The following CNTN6 variants were observed in gnomAD, a reference collection of about 807,000 sequenced individuals.
The protein encoded by CNTN6 is contactin-6.
A neutral mutation model predicts 122.8 loss-of-function variants in CNTN6; 137 were observed. The observed-to-expected ratio is 1.12, with a 90% CI of 0.97 to 1.29. The LOEUF (loss-of-function observed/expected upper bound fraction) is 1.29, where lower values mean the gene tolerates loss of function less well. Ranked by LOEUF, CNTN6 falls within the 50% of genes most tolerant of loss-of-function variation. CNTN6 has a pLI of 0.00. For synonymous variants in CNTN6, 570 were observed against 426.0 expected, an observed-to-expected ratio of 1.34 and a Z score of -4.16; for missense variants, 1,634 against 1,223.4, an observed-to-expected ratio of 1.34 and a Z score of -5.01.
intron 5 of CNTN6, among the ~76,000 whole-genome samples, chr3:1,280,258 C>A (rs1166441078): frequency 6.6e-6 from 1 of 151,940 alleles, no homozygotes; most frequent in Non-Finnish European, 1.5e-5. Context: ...AGACAGGAGA[C>A]GCTTGTCCTT....
At chr3:1,136,383 C>A (rs2092473392) in intron 1 of CNTN6, among the ~76,000 whole-genome samples, 1 of 152,084 alleles carries the variant, frequency 6.6e-6, no homozygotes. Context: ...GAAGCGTTCA[C>A]TGTTGGAAAA....
At chr3:1,388,002 G>C (rs371644712) in intron 20 of CNTN6, among the ~76,000 whole-genome samples, 8,879 of 152,012 alleles carry the variant, frequency 0.058, 305 homozygotes, top group African/African-American at 0.094. Flanking sequence ...CCCGCCATTG[G>C]CCAGGCTTGA....
At chr3:1,208,788 A>G (rs1489058891) in intron 2 of CNTN6, among the ~76,000 whole-genome samples, 6 of 132,634 alleles carry the variant, frequency 4.5e-5, no homozygotes, top group Non-Finnish European at 9.8e-5. Context: ...AAAGGACCAA[A>G]TAAGATAATT....
chr3:1,297,381 C>A (rs192119186), intron 6 of CNTN6, among the ~76,000 whole-genome samples: 1 of 152,054 alleles, frequency 6.6e-6, no homozygotes. Context: ...ATAGGTTATA[C>A]CATCATCTTA....
At chr3:1,366,458 T>C (rs1017904814) in intron 12 of CNTN6, among the ~76,000 whole-genome samples, 3 of 152,026 alleles carry the variant, frequency 2.0e-5, no homozygotes, top group Non-Finnish European at 2.9e-5. Context: ...AGGAAGTGAG[T>C]AGAATATAGG....
intron 4 of CNTN6, among the ~76,000 whole-genome samples, chr3:1,241,045 C>G (rs970221205): frequency 2.0e-5 from 3 of 151,782 alleles, no homozygotes; most frequent in Admixed American, 6.6e-5. Flanking sequence ...AAAGTACCTT[C>G]TTAAGGGTGG....
intron 1 of CNTN6, among the ~76,000 whole-genome samples, chr3:1,144,132 C>T (rs932996186): frequency 3.3e-5 from 5 of 152,132 alleles, no homozygotes; most frequent in East Asian, 1.9e-4. Flanking sequence ...CCGAGTATTA[C>T]GAGTAAGTGT....
At chr3:1,310,735 C>T (rs1007272930) in intron 7 of CNTN6, among the ~76,000 whole-genome samples, 33 of 152,272 alleles carry the variant, frequency 2.2e-4, no homozygotes, top group African/African-American at 7.7e-4. Flanking sequence ...GGCGCAGTGG[C>T]TCATGCCTGT....
At chr3:1,386,230 A>C (rs1340747641) in intron 20 of CNTN6, among the ~76,000 whole-genome samples, 1 of 151,746 alleles carries the variant, frequency 6.6e-6, no homozygotes, top group Admixed American at 6.6e-5. Flanking sequence ...ATAAGTGTCC[A>C]GTACACACCT....
At chr3:1,321,901 G>A (rs778099845) in intron 8 of CNTN6, 67 bp downstream of exon 8, 80 of 1,354,872 alleles carry the variant, frequency 5.9e-5, no homozygotes, top group Non-Finnish European at 7.2e-5. Context: ...AATTGTGGAA[G>A]TCATTAGCAT....
At chr3:1,219,503 G>T (rs964275692) in intron 2 of CNTN6, among the ~76,000 whole-genome samples, 1 of 152,064 alleles carries the variant, frequency 6.6e-6, no homozygotes, top group Non-Finnish European at 1.5e-5. Flanking sequence ...TATTATTTTT[G>T]AACATCTTTA....
intron 2 of CNTN6, among the ~76,000 whole-genome samples, chr3:1,198,635 T>C (rs2093813264): frequency 6.6e-6 from 1 of 151,964 alleles, no homozygotes; most frequent in Non-Finnish European, 1.5e-5. Flanking sequence ...GGCAGGAGAA[T>C]TGCTTGAGCC....
At chr3:1,197,515 A>C (rs572560931) in intron 2 of CNTN6, among the ~76,000 whole-genome samples, 1 of 152,320 alleles carries the variant, frequency 6.6e-6, no homozygotes, top group Admixed American at 6.5e-5. Flanking sequence ...GTGAAACCTA[A>C]GGAGCTCATA....
At chr3:1,393,639 GAAAC>G (rs1159897417) in intron 20 of CNTN6, among the ~76,000 whole-genome samples, 11 of 144,182 alleles carry the variant, frequency 7.6e-5, no homozygotes, top group Non-Finnish European at 1.2e-4. Flanking sequence ...AAATGTGTAA[GAAAC>G]AAACATTAAA....
intron 2 of CNTN6, among the ~76,000 whole-genome samples, chr3:1,193,080 C>T (rs2093725802): frequency 6.6e-6 from 1 of 152,174 alleles, no homozygotes; most frequent in South Asian, 2.1e-4. Context: ...CCTGAAGTTG[C>T]TGTGTTGGCT....
Position 1,290,095 on chromosome 3 carries a change from A to G in CNTN6, c.455-5506A>G, listed in dbSNP as rs575442190. On this transcript the variant is annotated intron_variant, in intron 5 of 22. Transcript: ENST00000446702. ...CTCCTCCCCAGACTTACTGAATCAC[A>G]GAGTCTGAGGGTGGAGCCCAGCGGC... Among the ~76,000 whole-genome samples, 4 of 152,288 alleles carry G rather than the reference A, an allele frequency of 2.6e-5. No individual in the cohort carries two copies. In the South Asian group the frequency reaches 6.2e-4, roughly 24 times the overall value.
At chr3:1,380,212 A>G (rs1462693897) in intron 17 of CNTN6, among the ~76,000 whole-genome samples, 2 of 152,134 alleles carry the variant, frequency 1.3e-5, no homozygotes, top group South Asian at 2.1e-4. Flanking sequence ...TTCAGTCACA[A>G]TCTGCCATTA....
chr3:1,129,579 C>T (rs1192895986), intron 1 of CNTN6, among the ~76,000 whole-genome samples: 2 of 152,048 alleles, frequency 1.3e-5, no homozygotes, highest in African/African-American at 4.8e-5. Flanking sequence ...GCCTTTCTCA[C>T]ACTTATTTTG....
chr3:1,175,310 C>T (rs144854057), intron 2 of CNTN6, among the ~76,000 whole-genome samples: 6 of 149,142 alleles, frequency 4.0e-5, no homozygotes, highest in African/African-American at 1.5e-4. Flanking sequence ...ATAACACTAC[C>T]ATAAAAAATT....
Sources: allele counts gnomAD v4.1 joint callset (sites outside exome capture counted in the v4.1 genomes callset), GRCh38; gene constraint gnomAD v4.1.1; transcripts MANE v1.5; gene names NCBI Gene and HGNC (gene_info 2026-07-23, HGNC 2026-07-21).